PTPRD: variants seen among roughly 807,000 people sequenced by gnomAD.
PTPRD encodes receptor-type tyrosine-protein phosphatase delta.
A neutral mutation model predicts 214.5 loss-of-function variants in PTPRD; 34 were observed. That is an observed-to-expected ratio of 0.16 (90% CI 0.12 to 0.21). The LOEUF (loss-of-function observed/expected upper bound fraction) is 0.21. Ranked by LOEUF, PTPRD falls within the 10% of genes least tolerant of loss-of-function variation. The probability of loss-of-function intolerance (pLI) is 1.00; values close to 1 mark genes in which losing one functional copy is unlikely to be tolerated. For missense variants in PTPRD, 2,545 were observed against 2,398.7 expected, an observed-to-expected ratio of 1.06 and a Z score of -1.27; for synonymous variants, 1,128 against 845.7, an observed-to-expected ratio of 1.33 and a Z score of -5.79.
intron 11 of PTPRD, among the ~76,000 whole-genome samples, chr9:8,922,787 C>T (rs1040234479): frequency 2.0e-5 from 3 of 151,856 alleles, no homozygotes; most frequent in Admixed American, 2.0e-4. Flanking sequence ...GCTGGGACTA[C>T]AGGCGTGTGC....
At chr9:9,511,823 G>C (rs892120810) in intron 8 of PTPRD, among the ~76,000 whole-genome samples, 8 of 151,668 alleles carry the variant, frequency 5.3e-5, no homozygotes, top group Non-Finnish European at 1.0e-4. Context: ...CAAATGCTCA[G>C]AGACATTTTG....
chr9:10,453,109 G>C (rs905092406), intron 2 of PTPRD, among the ~76,000 whole-genome samples: 1 of 151,536 alleles, frequency 6.6e-6, no homozygotes, highest in Admixed American at 6.6e-5. Flanking sequence ...TTAAGCTCTT[G>C]TCAAGGATTA....
At chr9:8,943,712 A>G (rs1157920293) in intron 11 of PTPRD, among the ~76,000 whole-genome samples, 2 of 151,608 alleles carry the variant, frequency 1.3e-5, no homozygotes, top group Non-Finnish European at 2.9e-5. Flanking sequence ...CATGCAGAAG[A>G]ATGAAACTAG....
chr9:9,555,684 A>G (rs1029537550), intron 8 of PTPRD, among the ~76,000 whole-genome samples: 34 of 152,158 alleles, frequency 2.2e-4, no homozygotes, highest in African/African-American at 7.7e-4. Flanking sequence ...GCATTTAAGT[A>G]GGTCACAAAA....
chr9:10,051,477 T>G (rs931746516), intron 3 of PTPRD, among the ~76,000 whole-genome samples: 3 of 152,090 alleles, frequency 2.0e-5, no homozygotes, highest in Admixed American at 2.0e-4. Context: ...TACTTTAAGT[T>G]TTAGGGTTCA....
chr9:9,781,624 G>T (rs1415000409), intron 5 of PTPRD, among the ~76,000 whole-genome samples: 1 of 152,144 alleles, frequency 6.6e-6, no homozygotes, highest in Non-Finnish European at 1.5e-5. Context: ...TGCTCAACAA[G>T]TGTTTCCTTT....
intron 4 of PTPRD, among the ~76,000 whole-genome samples, chr9:9,945,613 C>G (rs1448633243): frequency 1.3e-5 from 2 of 152,134 alleles, no homozygotes; most frequent in Non-Finnish European, 2.9e-5. Flanking sequence ...ACACAGAGCT[C>G]ATGGGTGACC....
chr9:9,240,882 T>C (rs1247092266), intron 9 of PTPRD, among the ~76,000 whole-genome samples: 1 of 152,120 alleles, frequency 6.6e-6, no homozygotes, highest in African/African-American at 2.4e-5. Flanking sequence ...ATCCAAATAG[T>C]TATTGTTTTA....
At chr9:9,690,978 T>A (rs2097260242) in intron 7 of PTPRD, among the ~76,000 whole-genome samples, 1 of 151,908 alleles carries the variant, frequency 6.6e-6, no homozygotes, top group Non-Finnish European at 1.5e-5. Flanking sequence ...TTTTAGGATA[T>A]TTTTCTATAT....
At chr9:9,152,112 G>C (rs1280019701) in intron 10 of PTPRD, among the ~76,000 whole-genome samples, 1 of 152,116 alleles carries the variant, frequency 6.6e-6, no homozygotes, top group African/African-American at 2.4e-5. Flanking sequence ...CATTGCATTG[G>C]GTACGAATGA....
intron 43 of PTPRD, among the ~76,000 whole-genome samples, chr9:8,335,906 G>A (rs1211124464): frequency 6.6e-6 from 1 of 151,824 alleles, no homozygotes; most frequent in Admixed American, 6.6e-5. Flanking sequence ...AAATACCTAG[G>A]CATGTGAAGG....
chr9:9,191,067 C>T (rs1217591603), intron 9 of PTPRD, among the ~76,000 whole-genome samples: 2 of 152,036 alleles, frequency 1.3e-5, no homozygotes, highest in Non-Finnish European at 2.9e-5. Context: ...TTGTCTCTAA[C>T]AAAAATAATG....
At chr9:8,425,725 T>C (rs1412931486) in intron 35 of PTPRD, among the ~76,000 whole-genome samples, 1 of 152,170 alleles carries the variant, frequency 6.6e-6, no homozygotes, top group Non-Finnish European at 1.5e-5. Context: ...GCTTATTTCT[T>C]GATTATTTTT....
chr9:9,336,046 A>G (rs1035804107), intron 9 of PTPRD, among the ~76,000 whole-genome samples: 3 of 152,170 alleles, frequency 2.0e-5, no homozygotes, highest in Non-Finnish European at 4.4e-5. Context: ...GATGTTAAAA[A>G]GAATATTACA....
chr9:9,606,880 C>T (rs1039424024), intron 7 of PTPRD, among the ~76,000 whole-genome samples: 44 of 136,700 alleles, frequency 3.2e-4, no homozygotes, highest in African/African-American at 1.1e-3. Context: ...GCTATACTTT[C>T]GAGAATAGGT....
At chr9:8,799,700 A>G (rs2096532735) in intron 11 of PTPRD, among the ~76,000 whole-genome samples, 1 of 152,110 alleles carries the variant, frequency 6.6e-6, no homozygotes, top group Non-Finnish European at 1.5e-5. Flanking sequence ...GGTTCAATTA[A>G]CTTTTCTTTT....
At chr9:9,293,239 G>T (rs2134208758) in intron 9 of PTPRD, among the ~76,000 whole-genome samples, 1 of 151,518 alleles carries the variant, frequency 6.6e-6, no homozygotes, top group South Asian at 2.1e-4. Flanking sequence ...ATTAACATAT[G>T]TCAGTATGGA....
chr9:9,338,192 C>A (rs1031673109), intron 9 of PTPRD, among the ~76,000 whole-genome samples: 1 of 152,166 alleles, frequency 6.6e-6, no homozygotes, highest in African/African-American at 2.4e-5. Context: ...AGTGCTAGTG[C>A]AAAGAATTAT....
intron 5 of PTPRD, among the ~76,000 whole-genome samples, chr9:9,804,694 A>G (rs1719611804): frequency 6.6e-6 from 1 of 152,040 alleles, no homozygotes; most frequent in Non-Finnish European, 1.5e-5. Flanking sequence ...TTTAATCTAA[A>G]CAAGACTTTG....
Sources: gnomAD v4.1 joint callset for allele counts (sites outside exome capture counted in the v4.1 genomes callset) on GRCh38, gnomAD v4.1.1 for gene constraint, MANE v1.5 for transcripts, NCBI Gene and HGNC (gene_info 2026-07-23, HGNC 2026-07-21) for gene names.